Variants in DIP2C observed in about 807,000 individuals in gnomAD.
DIP2C encodes disco-interacting protein 2 homolog C.
Under a neutral mutation model 192.4 loss-of-function variants are expected in DIP2C, and 33 were observed. The observed-to-expected ratio is 0.17, with a 90% CI of 0.13 to 0.23. DIP2C has a LOEUF of 0.23. DIP2C is among the 10% of genes least tolerant of loss of function. The pLI is 1.00. For missense variants in DIP2C, 1,537 were observed against 2,110.1 expected (o/e 0.73, Z 5.32); for synonymous variants, 979 against 864.1 (o/e 1.13, Z -2.33).
intron 1 of DIP2C, among the ~76,000 whole-genome samples, chr10:683,361 T>A (rs962796349): frequency 6.6e-5 from 10 of 152,192 alleles, no homozygotes; most frequent in Non-Finnish European, 1.3e-4. Flanking sequence ...CTGTTTATGA[T>A]CATCACCAAC....
At chr10:600,152 A>T (rs1564251310) in intron 1 of DIP2C, among the ~76,000 whole-genome samples, 1 of 152,178 alleles carries the variant, frequency 6.6e-6, no homozygotes, top group African/African-American at 2.4e-5. Flanking sequence ...CAGAACTAGA[A>T]GGAATCGTGG....
intron 1 of DIP2C, among the ~76,000 whole-genome samples, chr10:576,528 T>C (rs1850170236): frequency 6.6e-6 from 1 of 152,216 alleles, no homozygotes; most frequent in African/African-American, 2.4e-5. Flanking sequence ...AGCATGTACA[T>C]ACACAACCAC....
At chr10:424,354 G>GTTTTTTTTTTT (rs1564695965) in intron 4 of DIP2C, among the ~76,000 whole-genome samples, 4 of 121,028 alleles carry the variant, frequency 3.3e-5, no homozygotes, top group East Asian at 2.4e-4. Flanking sequence ...TATCACCTTG[G>GTTTTTTTTTTT]GTTTTTTTTT....
chr10:280,818 G>A (rs1369543134), intron 36 of DIP2C, among the ~76,000 whole-genome samples: 2 of 152,012 alleles, frequency 1.3e-5, no homozygotes, highest in Admixed American at 6.5e-5. Flanking sequence ...GTTTTCCCAT[G>A]TCTCATGTTA....
intron 9 of DIP2C, among the ~76,000 whole-genome samples, chr10:405,721 C>G (rs1964754508): frequency 2.0e-5 from 3 of 152,122 alleles, no homozygotes; most frequent in African/African-American, 7.2e-5. Flanking sequence ...TTCACTGTAC[C>G]TAATTATTCA....
intron 17 of DIP2C, among the ~76,000 whole-genome samples, chr10:376,150 G>A (rs185151632): frequency 6.6e-6 from 1 of 152,352 alleles, no homozygotes; most frequent in East Asian, 1.9e-4. Context: ...GCTAACTGCT[G>A]TGATTCTCAT....
At chr10:419,645 G>A (rs192120349) in intron 5 of DIP2C, among the ~76,000 whole-genome samples, 9 of 152,230 alleles carry the variant, frequency 5.9e-5, no homozygotes, top group South Asian at 2.1e-4. Context: ...CAGTTTCTTC[G>A]TCAAATGGGA....
intron 17 of DIP2C, among the ~76,000 whole-genome samples, chr10:370,465 C>CA (rs1960826776): frequency 1.3e-5 from 2 of 152,226 alleles, no homozygotes; most frequent in African/African-American, 4.8e-5. Context: ...AAACACCCCC[C>CA]ACCCAGTGTG....
chr10:341,876 C>G (rs960278659), intron 28 of DIP2C, among the ~76,000 whole-genome samples: 2 of 152,112 alleles, frequency 1.3e-5, no homozygotes, highest in Non-Finnish European at 2.9e-5. Flanking sequence ...GACCCTGTCT[C>G]TTCAATAAAT....
In DIP2C at chr10:390,138, G is replaced by A. The variant is rs369494567; in HGVS notation, c.1495-45C>T. The A allele has an allele frequency of 4.9e-4, 777 of 1,597,632 alleles. 8 individuals are homozygous for A. In the South Asian group the frequency reaches 6.9e-3, roughly 14 times the overall value. ...GAGGGAAGTGGGGCTGACAGGTCACGGCAGTTTTTCTGGTTACTTGAGGTT... is the reference window on the plus strand; with the variant it reads ...GAGGGAAGTGGGGCTGACAGGTCACAGCAGTTTTTCTGGTTACTTGAGGTT... On this transcript the variant is annotated intron_variant, in intron 12 of 36. Transcript: ENST00000280886.
chr10:673,554 C>T (rs1245842841), intron 1 of DIP2C, among the ~76,000 whole-genome samples: 2 of 152,178 alleles, frequency 1.3e-5, no homozygotes, highest in East Asian at 3.8e-4. Flanking sequence ...GCTCAGTCGC[C>T]GTGTGCTGCT....
chr10:381,325 G>C (rs964525284), intron 17 of DIP2C, among the ~76,000 whole-genome samples: 1 of 152,182 alleles, frequency 6.6e-6, no homozygotes, highest in Non-Finnish European at 1.5e-5. Flanking sequence ...AGGGAGAACC[G>C]GCATGGGGAC....
intron 1 of DIP2C, among the ~76,000 whole-genome samples, chr10:539,307 G>C (rs968592117): frequency 3.8e-4 from 57 of 151,532 alleles, no homozygotes; most frequent in African/African-American, 1.3e-3. Flanking sequence ...TATAGATCAA[G>C]AATATTTTTT....
At chr10:613,495 A>C (rs923752754) in intron 1 of DIP2C, among the ~76,000 whole-genome samples, 4 of 152,242 alleles carry the variant, frequency 2.6e-5, no homozygotes, top group Non-Finnish European at 5.9e-5. Flanking sequence ...AACTGGTTCC[A>C]CTGGTTTTTC....
chr10:682,723 TTGAC>T (rs929814165), intron 1 of DIP2C, among the ~76,000 whole-genome samples: 1 of 151,364 alleles, frequency 6.6e-6, no homozygotes, highest in Admixed American at 6.6e-5. Context: ...AATATATGAT[TTGAC>T]TAACCAGATA....
chr10:672,010 G>A (rs1830670836), intron 1 of DIP2C, among the ~76,000 whole-genome samples: 2 of 143,846 alleles, frequency 1.4e-5, no homozygotes, highest in South Asian at 4.6e-4. Flanking sequence ...CGCACGGACG[G>A]AGGAAAAGCC....
At chr10:494,189 A>G (rs768604066) in intron 1 of DIP2C, among the ~76,000 whole-genome samples, 10 of 152,230 alleles carry the variant, frequency 6.6e-5, no homozygotes, top group Non-Finnish European at 1.0e-4. Flanking sequence ...AGAACTGCTA[A>G]GGCTATCAAA....
intron 24 of DIP2C, 84 bp downstream of exon 24, chr10:356,342 C>T: frequency 6.8e-7 from 1 of 1,463,008 alleles, no homozygotes; most frequent in Non-Finnish European, 9.5e-7. Flanking sequence ...CAAAAGGATT[C>T]AAAGAAAGAA....
Position 318,732 on chromosome 10 carries a change from G to A in DIP2C, c.3924+8274C>T, listed in dbSNP as rs116974200. On this transcript the variant is annotated intron_variant, in intron 31 of 36. Transcript: ENST00000280886. ...GAAAGGGCATAAAGTTCCTGCTGAC[G>A]GTGGCTCATTCCCTGAGGCTTTCAA... Among the ~76,000 whole-genome samples, 206 of 152,250 alleles carry A rather than the reference G, an allele frequency of 1.4e-3. 1 individual carries two copies. The South Asian group carries it at 0.014, about 10-fold the overall frequency.
Sources: gnomAD v4.1 joint callset for allele counts (sites outside exome capture counted in the v4.1 genomes callset) on GRCh38, gnomAD v4.1.1 for gene constraint, MANE v1.5 for transcripts, NCBI Gene and HGNC (gene_info 2026-07-23, HGNC 2026-07-21) for gene names.